The following ELP4 variants were observed in gnomAD, a reference collection of about 807,000 sequenced individuals.
ELP4 encodes elongator acetyltransferase complex subunit 4, also known as elongator complex protein 4.
A neutral mutation model predicts 48.9 loss-of-function variants in ELP4; 51 were observed. The observed-to-expected ratio is 1.04, with a 90% CI of 0.83 to 1.32. The LOEUF (loss-of-function observed/expected upper bound fraction) is 1.32. Ranked by LOEUF, ELP4 falls within the 40% of genes most tolerant of loss-of-function variation. The pLI is 0.00. For missense variants in ELP4, 519 were observed against 514.6 expected (o/e 1.01, Z -0.08); for synonymous variants, 210 against 189.2 (o/e 1.11, Z -0.90).
intron 9 of ELP4, among the ~76,000 whole-genome samples, chr11:31,740,683 G>A (rs1947423970): frequency 6.6e-6 from 1 of 152,200 alleles, no homozygotes; most frequent in Admixed American, 6.5e-5. Context: ...TTTCTATACT[G>A]CCAACAAATG....
intron 9 of ELP4, among the ~76,000 whole-genome samples, chr11:31,783,057 A>G (rs959933879): frequency 6.6e-6 from 1 of 152,252 alleles, no homozygotes; most frequent in East Asian, 1.9e-4. Context: ...TATTTATGCG[A>G]TATTTCCAAC....
chr11:31,577,817 G>C (rs1957312574), intron 3 of ELP4, among the ~76,000 whole-genome samples: 1 of 152,250 alleles, frequency 6.6e-6, no homozygotes, highest in Non-Finnish European at 1.5e-5. Flanking sequence ...CGCTATTTAT[G>C]ACAAACCCAC....
chr11:31,716,575 C>CT (rs1565124714), intron 9 of ELP4, among the ~76,000 whole-genome samples: 1 of 152,048 alleles, frequency 6.6e-6, no homozygotes, highest in Non-Finnish European at 1.5e-5. Context: ...TGTGTGTAGC[C>CT]CATCAGTGAT....
At chr11:31,763,668 T>G in intron 9 of ELP4, 1 of 1,044,468 alleles carries the variant, frequency 9.6e-7, no homozygotes, top group South Asian at 2.9e-5. Context: ...TTTAATCACC[T>G]TTTTACCAAA....
At chr11:31,630,531 G>C (rs112412286) in intron 6 of ELP4, among the ~76,000 whole-genome samples, 2 of 151,934 alleles carry the variant, frequency 1.3e-5, no homozygotes, top group Non-Finnish European at 2.9e-5. Flanking sequence ...GTTTCACTAC[G>C]TTGGCCAGGC....
At chr11:31,706,722 G>T (rs543885816) in intron 9 of ELP4, among the ~76,000 whole-genome samples, 5 of 151,036 alleles carry the variant, frequency 3.3e-5, no homozygotes, top group African/African-American at 1.2e-4. Flanking sequence ...TCTCTGCCTC[G>T]CCTTCCCTTC....
intron 9 of ELP4, chr11:31,763,539 C>G: frequency 6.2e-7 from 1 of 1,609,098 alleles, no homozygotes. Flanking sequence ...TAATGAGCTT[C>G]CTTGCAAAGG....
intron 9 of ELP4, among the ~76,000 whole-genome samples, chr11:31,747,789 T>C (rs1350818075): frequency 6.6e-6 from 1 of 152,250 alleles, no homozygotes; most frequent in Non-Finnish European, 1.5e-5. Flanking sequence ...CTTCTCTTTG[T>C]AGTGTGCTCT....
chr11:31,532,523 T>G (rs2133894894), intron 2 of ELP4, among the ~76,000 whole-genome samples: 1 of 152,288 alleles, frequency 6.6e-6, no homozygotes, highest in Middle Eastern at 3.4e-3. Context: ...CACTCAGTTT[T>G]TTTAATTATC....
At chr11:31,521,895 A>T (rs1956219613) in intron 2 of ELP4, among the ~76,000 whole-genome samples, 1 of 152,134 alleles carries the variant, frequency 6.6e-6, no homozygotes, top group Non-Finnish European at 1.5e-5. Flanking sequence ...GTGTTCTCTC[A>T]ACTCAGCCAT....
At chr11:31,700,683 A>T (rs1021029712) in intron 9 of ELP4, among the ~76,000 whole-genome samples, 4 of 152,100 alleles carry the variant, frequency 2.6e-5, no homozygotes, top group Non-Finnish European at 5.9e-5. Context: ...GGACATGTGT[A>T]TTCAAATTCT....
chr11:31,581,008 T>C (rs1294081957), intron 3 of ELP4, among the ~76,000 whole-genome samples: 1 of 152,192 alleles, frequency 6.6e-6, no homozygotes, highest in Non-Finnish European at 1.5e-5. Context: ...AGTCTATATT[T>C]CTCCTTTCTG....
chr11:31,763,147 C>A (rs1420211038), intron 9 of ELP4, among the ~76,000 whole-genome samples: 1 of 150,954 alleles, frequency 6.6e-6, no homozygotes, highest in African/African-American at 2.4e-5. Context: ...ATTAACATGT[C>A]ACTGTTAAAA....
intron 9 of ELP4, among the ~76,000 whole-genome samples, chr11:31,698,955 G>A (rs1946466470): frequency 6.6e-6 from 1 of 152,088 alleles, no homozygotes; most frequent in Admixed American, 6.6e-5. Context: ...CTTGAAATTT[G>A]AAAGAAATGA....
chr11:31,723,033 G>A (rs1266903662), intron 9 of ELP4, among the ~76,000 whole-genome samples: 11 of 152,172 alleles, frequency 7.2e-5, no homozygotes, highest in Admixed American at 7.2e-4. Flanking sequence ...ACCTGGATGA[G>A]AGGTGGCAAG....
At position 31,660,975 on chromosome 11, in the gene ELP4, C is replaced by T. The variant is rs140583040; in HGVS notation, c.1143+10754C>T. Among the ~76,000 whole-genome samples the T allele has an allele frequency of 5.7e-3, 864 of 152,044 alleles. 11 individuals carry two copies. Among genetic ancestry groups the T allele is most frequent in the African/African-American group, 0.02 (833 of 41,514 alleles). The stretch of plus-strand genomic sequence containing the variant: ...ATACAAAGAAAATATTTTCTTTCAA[C>T]AATTTTAATACACTTAGATTTTACA... On this transcript the variant is annotated intron_variant, in intron 9 of 9. Coordinates refer to ENST00000640961, the MANE Select transcript of ELP4 (RefSeq NM_019040.5).
intron 7 of ELP4, chr11:31,634,388 A>G (rs138504135): frequency 6.6e-5 from 10 of 152,226 alleles, no homozygotes; most frequent in African/African-American, 2.4e-4. Context: ...TTGCAAAGCA[A>G]AGAAAAACAA....
intron 3 of ELP4, among the ~76,000 whole-genome samples, chr11:31,551,906 G>C (rs1345489366): frequency 6.6e-6 from 1 of 152,094 alleles, no homozygotes; most frequent in East Asian, 1.9e-4. Context: ...TAAGAGATAG[G>C]AGACTAGGTT....
At chr11:31,573,681 C>T (rs931836377) in intron 3 of ELP4, 14 of 152,112 alleles carry the variant, frequency 9.2e-5, no homozygotes, top group African/African-American at 3.4e-4. Context: ...TAGTTATTTT[C>T]AAACAACCCT....
Sources: allele counts gnomAD v4.1 joint callset (sites outside exome capture counted in the v4.1 genomes callset), GRCh38; gene constraint gnomAD v4.1.1; transcripts MANE v1.5; gene names NCBI Gene and HGNC (gene_info 2026-07-23, HGNC 2026-07-21).